Variants in DIP2B observed in about 807,000 individuals in gnomAD.
DIP2B encodes DIP2 acetate--CoA ligase B (putative), also known as disco-interacting protein 2 homolog B.
Under a neutral mutation model 198.0 loss-of-function variants are expected in DIP2B, and 76 were observed. That is an observed-to-expected ratio of 0.38 (90% confidence interval 0.32 to 0.46). DIP2B has a LOEUF of 0.46. Ranked by LOEUF, DIP2B falls within the 20% of genes least tolerant of loss-of-function variation. The pLI is 0.99. For synonymous variants in DIP2B, 701 were observed against 739.1 expected (o/e 0.95, Z 0.84); for missense variants, 1,559 against 1,978.4 (o/e 0.79, Z 4.02).
At chr12:50,632,975 C>T (rs1288661089) in intron 2 of DIP2B, among the ~76,000 whole-genome samples, 6 of 151,952 alleles carry the variant, frequency 3.9e-5, no homozygotes, top group East Asian at 1.9e-4. Flanking sequence ...GACAGGATCT[C>T]GCTATGTTGC....
intron 1 of DIP2B, among the ~76,000 whole-genome samples, chr12:50,555,179 A>C (rs146354338): frequency 6.6e-6 from 1 of 152,134 alleles, no homozygotes; most frequent in Non-Finnish European, 1.5e-5. Flanking sequence ...AAATAACTGC[A>C]GTCTTCTGTA....
At chr12:50,637,629 C>T (rs1938183138) in intron 2 of DIP2B, among the ~76,000 whole-genome samples, 1 of 152,200 alleles carries the variant, frequency 6.6e-6, no homozygotes, top group African/African-American at 2.4e-5. Flanking sequence ...ATGGTGACCA[C>T]TTGTTTAATG....
rs193021630 is a variant in DIP2B, at chr12:50,543,532, G to T, written c.100+38292G>T. 4.0e-5 allele frequency among the ~76,000 whole-genome samples: 6 copies of T among 151,844 alleles called. No individual in the cohort carries two copies. In the East Asian group the frequency reaches 1.2e-3, roughly 30 times the overall value. On this transcript the variant is annotated intron_variant, in intron 1 of 37. Transcript: ENST00000301180. Reference sequence around the variant, plus strand: ...TCGAACTCCTGACCTCAGGTGATCCGCCAGCCTCGGCCTCCCAAAGTGCTG... The same window carrying T: ...TCGAACTCCTGACCTCAGGTGATCCTCCAGCCTCGGCCTCCCAAAGTGCTG...
intron 4 of DIP2B, among the ~76,000 whole-genome samples, chr12:50,670,949 GAA>G (rs932069568): frequency 3.9e-5 from 6 of 152,134 alleles, no homozygotes; most frequent in Admixed American, 2.0e-4. Context: ...TAAATGTTTT[GAA>G]AGAGTTTAAA....
rs1207605853 is a variant in DIP2B, at chr12:50,698,364, C to T, written c.2085C>T (p.Ala695=). 3.7e-6 allele frequency: 6 copies of T among 1,613,494 alleles called. No homozygotes were observed. The highest frequency in any genetic ancestry group is 4.2e-6 in the Non-Finnish European group (5 of 1,179,758). Residue 695 remains alanine (A), a synonymous_variant, in exon 18 of 38, where the codon GCC becomes GCT. Transcript: ENST00000301180. The part of the protein sequence containing the change: ...GVPGAPLPGR[A]ILSMNGLSYG... ...CAGGAGCCCCTTTGCCAGGAAGAGC[C>T]ATTCTCTCAATGAATGGATTGAGCT... is the stretch of plus-strand genomic sequence containing the variant.
At chr12:50,616,606 A>G (rs751864454) in intron 1 of DIP2B, among the ~76,000 whole-genome samples, 1 of 152,226 alleles carries the variant, frequency 6.6e-6, no homozygotes, top group Non-Finnish European at 1.5e-5. Context: ...GTCCTGTTGG[A>G]CACTTTCAGT....
chr12:50,593,736 CTCT>C (rs1372811925), intron 1 of DIP2B, among the ~76,000 whole-genome samples: 8 of 4,844 alleles, frequency 1.7e-3, no homozygotes, highest in Non-Finnish European at 2.2e-3. Context: ...CTCTCCTCTC[CTCT>C]CCTCTCCCCT....
chr12:50,545,160 T>C (rs1344305351), intron 1 of DIP2B, among the ~76,000 whole-genome samples: 1 of 152,198 alleles, frequency 6.6e-6, no homozygotes, highest in African/African-American at 2.4e-5. Flanking sequence ...TTACTAGTAG[T>C]GGAATTGCTT....
At chr12:50,646,242 G>A (rs961554293) in intron 3 of DIP2B, among the ~76,000 whole-genome samples, 3 of 151,238 alleles carry the variant, frequency 2.0e-5, no homozygotes, top group African/African-American at 7.3e-5. Flanking sequence ...TTCTGCCTCA[G>A]CCTCCCAAGT....
At chr12:50,583,743 C>T (rs1958745539) in intron 1 of DIP2B, among the ~76,000 whole-genome samples, 1 of 152,196 alleles carries the variant, frequency 6.6e-6, no homozygotes, top group African/African-American at 2.4e-5. Context: ...GCAGATAACA[C>T]TCTGGTGTAC....
rs749771676 is a variant in DIP2B at position 50,699,075 on chromosome 12, G to A, written c.2198G>A (p.Cys733Tyr). The change falls in exon 19 of 38, where the codon TGC becomes TAC. Residue 733 changes from cysteine (C) to tyrosine (Y), a missense_variant. Cys to Tyr is a radical substitution (Grantham distance 194). Transcript: ENST00000301180. ...VGHVMPGGMM[C>Y]IVKPDGPPQL... Reference sequence around the variant, plus strand: ...ATTTTCTGTACGTTAGGGATGATGTGCATTGTGAAACCAGATGGACCTCCC... The same window carrying A: ...ATTTTCTGTACGTTAGGGATGATGTACATTGTGAAACCAGATGGACCTCCC... 1 of 1,614,142 alleles carries A rather than the reference G, an allele frequency of 6.2e-7. No individual in the cohort carries two copies.
At chr12:50,648,357 ATTATT>A (rs1938386931) in intron 3 of DIP2B, among the ~76,000 whole-genome samples, 3 of 151,616 alleles carry the variant, frequency 2.0e-5, no homozygotes, top group South Asian at 4.2e-4. Context: ...TATTTTTTTT[ATTATT>A]TTATTTATTT....
At chr12:50,698,525 G>T (rs541660411) in intron 18 of DIP2B, 58 bp downstream of exon 18, 15 of 1,570,186 alleles carry the variant, frequency 9.6e-6, no homozygotes, top group Non-Finnish European at 1.3e-5. Flanking sequence ...AGAGATAATA[G>T]AGCCTGATAA....
chr12:50,684,099 C>T (rs1051968187), intron 10 of DIP2B, among the ~76,000 whole-genome samples: 1 of 152,002 alleles, frequency 6.6e-6, no homozygotes, highest in African/African-American at 2.4e-5. Context: ...GGCAATAGGG[C>T]AAGCAAGACT....
intron 12 of DIP2B, among the ~76,000 whole-genome samples, chr12:50,688,930 T>C (rs553619940): frequency 6.6e-6 from 1 of 152,354 alleles, no homozygotes; most frequent in Non-Finnish European, 1.5e-5. Flanking sequence ...TCTAGGTGCC[T>C]GTTATTTTGA....
At chr12:50,587,023 A>G (rs1958777523) in intron 1 of DIP2B, among the ~76,000 whole-genome samples, 1 of 152,192 alleles carries the variant, frequency 6.6e-6, no homozygotes. Context: ...TTTTCACTGT[A>G]TGTGTCTCTT....
chr12:50,513,804 G>A (rs565352094), intron 1 of DIP2B, among the ~76,000 whole-genome samples: 12 of 151,604 alleles, frequency 7.9e-5, no homozygotes, highest in African/African-American at 2.7e-4. Context: ...AACCTGGGAG[G>A]CGGAGGTTGC....
At chr12:50,630,663 C>CTTTCTTTTT (rs766236986) in intron 2 of DIP2B, among the ~76,000 whole-genome samples, 4 of 74,570 alleles carry the variant, frequency 5.4e-5, no homozygotes, top group African/African-American at 2.0e-4. Flanking sequence ...TCTTTCTTTT[C>CTTTCTTTTT]TTTTTTTTTT....
chr12:50,671,511 T>C (rs1433357550), intron 5 of DIP2B, 113 bp downstream of exon 5: 5 of 1,043,858 alleles, frequency 4.8e-6, no homozygotes, highest in Non-Finnish European at 7.0e-6. Context: ...AAAAAAAGAA[T>C]TAGAGAAAAC....
Sources: gnomAD v4.1 joint callset for allele counts (sites outside exome capture counted in the v4.1 genomes callset) on GRCh38, gnomAD v4.1.1 for gene constraint, MANE v1.5 for transcripts, NCBI Gene and HGNC (gene_info 2026-07-23, HGNC 2026-07-21) for gene names.